SENP2: variants seen among roughly 807,000 people sequenced by gnomAD.
The protein encoded by SENP2 is SUMO specific peptidase 2.
In SENP2, 16 loss-of-function variants were observed where a neutral mutation model predicts 86.3. The ratio of observed to expected loss-of-function variants is 0.19; its 90% CI spans 0.13 to 0.28. The LOEUF is 0.28. Among genes scored for constraint, SENP2 ranks in the 10% least tolerant of loss-of-function variants. The pLI is 1.00. For synonymous variants in SENP2, 222 were observed against 238.7 expected, an observed-to-expected ratio of 0.93 and a Z score of 0.64; for missense variants, 552 against 703.0, an observed-to-expected ratio of 0.79 and a Z score of 2.43.
At chr3:185,605,369 C>CA (rs1722479708) in intron 5 of SENP2, among the ~76,000 whole-genome samples, 1 of 147,754 alleles carries the variant, frequency 6.8e-6, no homozygotes, top group African/African-American at 2.5e-5. Context: ...GAAACTTCGT[C>CA]GAAAAAAAAA....
chr3:185,589,863 C>G (rs1721918920), intron 1 of SENP2, among the ~76,000 whole-genome samples: 1 of 151,998 alleles, frequency 6.6e-6, no homozygotes, highest in Non-Finnish European at 1.5e-5. Context: ...GAGATGAGGT[C>G]TTACTTTGTT....
At chr3:185,608,297 C>CCA (rs1489627530) in intron 6 of SENP2, among the ~76,000 whole-genome samples, 2 of 152,114 alleles carry the variant, frequency 1.3e-5, no homozygotes, top group African/African-American at 4.8e-5. Context: ...TGGGACTGAG[C>CCA]CAGTATCTAC....
intron 2 of SENP2, among the ~76,000 whole-genome samples, chr3:185,591,630 C>T (rs1456610423): frequency 2.0e-5 from 3 of 152,168 alleles, no homozygotes; most frequent in East Asian, 1.9e-4. Flanking sequence ...GGATTACAGG[C>T]GTGAGCCCCC....
intron 11 of SENP2, among the ~76,000 whole-genome samples, chr3:185,615,960 T>C (rs1315902738): frequency 1.3e-5 from 2 of 151,830 alleles, no homozygotes; most frequent in Admixed American, 1.3e-4. Flanking sequence ...CCTCCCAGGT[T>C]CAAGTGATTC....
chr3:185,606,597 AT>A, intron 6 of SENP2, 99 bp downstream of exon 6: 4 of 1,066,670 alleles, frequency 3.7e-6, no homozygotes, highest in Non-Finnish European at 5.3e-6. Flanking sequence ...TTGACATACC[AT>A]TGTAGGTTTT....
intron 16 of SENP2, among the ~76,000 whole-genome samples, chr3:185,626,949 C>A (rs1712173797): frequency 6.6e-6 from 1 of 151,684 alleles, no homozygotes; most frequent in African/African-American, 2.4e-5. Flanking sequence ...GTGGTGCATG[C>A]CTGTAATCCC....
Position 185,613,384 on chromosome 3 carries a change from C to A in SENP2, c.909C>A (p.Val303=). The change falls in exon 10 of 17, where the codon GTC becomes GTA. Residue 303 remains valine, a synonymous_variant. Transcript: ENST00000296257. ...KGKITDTETM[V]GIRFENESRR... ...AAATTACTGATACAGAGACGATGGT[C>A]GGAATCAGATTTGAAAATGAAAGTG... 6.3e-7 allele frequency: 1 copy of A among 1,592,038 alleles called. No homozygotes were observed. The highest frequency in any genetic ancestry group is 1.1e-5 in the South Asian group (1 of 89,082).
intron 16 of SENP2, among the ~76,000 whole-genome samples, chr3:185,629,532 C>T (rs547231319): frequency 8.0e-5 from 12 of 150,774 alleles, no homozygotes; most frequent in South Asian, 6.3e-4. Context: ...GAGCAGATCG[C>T]GCCACTGCAC....
rs1712551051 is a variant in SENP2 at position 185,632,840 on chromosome 3, A to AAAAT, written c.*2998_*3001dup. The stretch of plus-strand genomic sequence containing the variant: ...CACCTGTCCCTGCCAGTGTGTTTTT[A>AAAAT]AAATAGTTTAGGGGGTTGAGAAAAG... On this transcript the variant is annotated 3_prime_UTR_variant, in exon 17 of 17. Transcript: ENST00000296257. 6.6e-6 allele frequency: 1 copy of AAAAT among 152,238 alleles called. No homozygotes were observed. Among genetic ancestry groups the AAAAT allele is most frequent in the South Asian group, 2.1e-4 (1 of 4,838 alleles). 9.4% of individuals were successfully genotyped at this position (152,238 alleles called of 1,614,324 possible). A position where few individuals can be genotyped will look rare whatever the true frequency, so the allele number is the denominator to read the frequency against.
At chr3:185,587,091 C>G (rs1044544629) in intron 1 of SENP2, among the ~76,000 whole-genome samples, 5 of 152,108 alleles carry the variant, frequency 3.3e-5, no homozygotes, top group African/African-American at 1.2e-4. Context: ...CTCTTAAATT[C>G]GGTTAAAATT....
chr3:185,616,691 C>T (rs1202476062), intron 11 of SENP2, among the ~76,000 whole-genome samples: 2 of 150,252 alleles, frequency 1.3e-5, no homozygotes, highest in Non-Finnish European at 3.0e-5. Flanking sequence ...AGGAGAATGG[C>T]GTGACCCCGG....
At chr3:185,599,969 G>A (rs1056160060) in intron 4 of SENP2, among the ~76,000 whole-genome samples, 1 of 151,964 alleles carries the variant, frequency 6.6e-6, no homozygotes, top group Non-Finnish European at 1.5e-5. Flanking sequence ...GGCTAATTTT[G>A]TATTTTTAGT....
intron 2 of SENP2, among the ~76,000 whole-genome samples, chr3:185,594,496 A>C (rs185145842): frequency 6.6e-6 from 1 of 152,332 alleles, no homozygotes; most frequent in Admixed American, 6.5e-5. Flanking sequence ...TAAGTTAGGT[A>C]ACCATATCTG....
At chr3:185,605,089 G>A (rs1306500282) in intron 5 of SENP2, among the ~76,000 whole-genome samples, 1 of 151,074 alleles carries the variant, frequency 6.6e-6, no homozygotes, top group Non-Finnish European at 1.5e-5. Context: ...GGGCATTCAA[G>A]ACTGGGCGTG....
chr3:185,613,085 C>T lies in SENP2; in HGVS notation c.870-260C>T, dbSNP rs75499727. Among the ~76,000 whole-genome samples the T allele has an allele frequency of 9.2e-3, 1,398 of 152,280 alleles. 22 individuals carry two copies. The highest frequency in any genetic ancestry group is 0.032 in the African/African-American group (1,313 of 41,538). ...TATAGTAAATTTCTATTGGAACATGCGAATTCATTTACATACTGTCTGGCT... is the reference window on the plus strand; with the variant it reads ...TATAGTAAATTTCTATTGGAACATGTGAATTCATTTACATACTGTCTGGCT... On this transcript the variant is annotated intron_variant, in intron 9 of 16. Coordinates refer to ENST00000296257, the MANE Select transcript of SENP2 (RefSeq NM_021627.3).
chr3:185,602,465 A>C (rs1722375552), intron 5 of SENP2, among the ~76,000 whole-genome samples: 1 of 152,200 alleles, frequency 6.6e-6, no homozygotes, highest in South Asian at 2.1e-4. Flanking sequence ...CTCAGATGCT[A>C]ATAAATAAAT....
Position 185,619,287 on chromosome 3 carries a change from G to T in SENP2, c.1243-12G>T. ...GCCATGTTCCAGCTTTTGCTCCCTT[G>T]GTATTTTGTAGGTCATTAATTTTTA... On this transcript the variant is annotated splice_polypyrimidine_tract_variant and intron_variant, in intron 12 of 16. Transcript: ENST00000296257. 1 of 1,594,320 alleles carries T rather than the reference G, an allele frequency of 6.3e-7. No homozygotes were observed. Among genetic ancestry groups the T allele is most frequent in the Non-Finnish European group, 8.6e-7 (1 of 1,162,236 alleles).
intron 6 of SENP2, chr3:185,606,888 CTTTT>C (rs1722531389): frequency 3.5e-5 from 13 of 375,384 alleles, no homozygotes; most frequent in South Asian, 2.8e-4. Flanking sequence ...AAAAATGAAA[CTTTT>C]TTCAGAAATA....
intron 10 of SENP2, among the ~76,000 whole-genome samples, chr3:185,613,891 A>G (rs2148990691): frequency 6.6e-6 from 1 of 150,472 alleles, no homozygotes; most frequent in Non-Finnish European, 1.5e-5. Context: ...CTTCCTTCTG[A>G]GTTGTTGGAG....
Sources: gnomAD v4.1 joint callset for allele counts (sites outside exome capture counted in the v4.1 genomes callset) on GRCh38, gnomAD v4.1.1 for gene constraint, MANE v1.5 for transcripts, NCBI Gene and HGNC (gene_info 2026-07-23, HGNC 2026-07-21) for gene names.